The following PDE11A variants were observed in gnomAD, a reference collection of about 807,000 sequenced individuals.
PDE11A encodes the protein phosphodiesterase 11A.
In PDE11A, 100 loss-of-function variants were observed where a neutral mutation model predicts 100.5. The ratio of observed to expected loss-of-function variants is 1.00; its 90% CI spans 0.85 to 1.18. The LOEUF (loss-of-function observed/expected upper bound fraction) is 1.18, where lower values mean the gene tolerates loss of function less well. Ranked by LOEUF, PDE11A falls within the 50% of genes most tolerant of loss-of-function variation. The pLI is 0.00. For missense variants in PDE11A, 1,141 were observed against 1,152.6 expected (o/e 0.99, Z 0.15); for synonymous variants, 381 against 420.8 (o/e 0.91, Z 1.16).
intron 19 of PDE11A, among the ~76,000 whole-genome samples, chr2:177,650,002 A>G (rs2080284784): frequency 6.6e-6 from 1 of 152,234 alleles, no homozygotes; most frequent in Admixed American, 6.5e-5. Flanking sequence ...GCTTATTTCC[A>G]CAAAGATCAA....
intron 9 of PDE11A, among the ~76,000 whole-genome samples, chr2:177,775,329 C>T (rs927982724): frequency 2.6e-5 from 4 of 152,168 alleles, no homozygotes; most frequent in African/African-American, 9.7e-5. Context: ...CTGTAAGTGC[C>T]ACTCCATCCA....
chr2:177,677,744 A>T (rs2105500928), intron 16 of PDE11A: 1 of 152,328 alleles, frequency 6.6e-6, no homozygotes, highest in Middle Eastern at 3.4e-3. Flanking sequence ...GAGCAGTTCT[A>T]TGTTATTTTT....
chr2:177,695,119 T>C (rs112971823), intron 15 of PDE11A, among the ~76,000 whole-genome samples: 1 of 149,372 alleles, frequency 6.7e-6, no homozygotes, highest in African/African-American at 2.5e-5. Context: ...GAGTTGTGTG[T>C]GGGGGGGGAG....
chr2:177,842,366 A>T (rs1443543361), intron 5 of PDE11A, among the ~76,000 whole-genome samples: 1 of 152,180 alleles, frequency 6.6e-6, no homozygotes, highest in Admixed American at 6.5e-5. Flanking sequence ...CAACAAGGAG[A>T]GATTGGAGGA....
Position 177,958,180 on chromosome 2 carries a change from C to G in PDE11A, c.1072-52993G>C, listed in dbSNP as rs745332193. Among the ~76,000 whole-genome samples the G allele has an allele frequency of 1.3e-5, 2 of 152,114 alleles. 1 individual carries two copies. The highest frequency in any genetic ancestry group is 6.8e-3 in the Middle Eastern group (2 of 294). The stretch of plus-strand genomic sequence containing the variant: ...TGCTGCAATTACAGGTGTGAGCCAC[C>G]GTGCCCGGCCTCAATGCATTTTAAA... On this transcript the variant is annotated intron_variant, in intron 2 of 19. Transcript: ENST00000286063.
chr2:177,643,598 G>T (rs574108293), intron 19 of PDE11A, among the ~76,000 whole-genome samples: 39 of 152,288 alleles, frequency 2.6e-4, no homozygotes, highest in East Asian at 5.8e-4. Context: ...CAATAGAAAA[G>T]AAAATATCAT....
chr2:178,005,292 C>T (rs994549561), intron 2 of PDE11A, among the ~76,000 whole-genome samples: 1 of 151,986 alleles, frequency 6.6e-6, no homozygotes, highest in Non-Finnish European at 1.5e-5. Flanking sequence ...ATTACCTAGA[C>T]TAATTAAGCA....
Position 177,733,368 on chromosome 2 carries a change from C to G in PDE11A, c.1789-5196G>C, listed in dbSNP as rs3770032. Among the ~76,000 whole-genome samples the G allele has an allele frequency of 1.6e-3, 239 of 152,314 alleles. 4 individuals carry two copies. The East Asian group carries it at 0.043, about 27-fold the overall frequency. On this transcript the variant is annotated intron_variant, in intron 10 of 19. Transcript: ENST00000286063. ...TGAATAATGTTCAAGAAGTGAGACT[C>G]TAGCTGGCTGGAAGCACCTGATATC...
At chr2:177,664,135 T>TCTGGAGTGGCTGCAAGAGAGGCTAAAA (rs2080532600) in intron 18 of PDE11A, among the ~76,000 whole-genome samples, 186 bp from the exon 19 acceptor site, 1 of 152,186 alleles carries the variant, frequency 6.6e-6, no homozygotes, top group South Asian at 2.1e-4. Context: ...TTTTACCTCT[T>TCTGGAGTGGCTGCAAGAGAGGCTAAAA]TTTATGAGAT....
At chr2:177,951,450 G>T (rs1446592301) in intron 2 of PDE11A, among the ~76,000 whole-genome samples, 4 of 152,102 alleles carry the variant, frequency 2.6e-5, no homozygotes, top group African/African-American at 9.7e-5. Flanking sequence ...TTTTTTTCAG[G>T]TGTTGTTATT....
chr2:178,082,473 G>A (rs2087299278), intron 2 of PDE11A, among the ~76,000 whole-genome samples: 1 of 152,126 alleles, frequency 6.6e-6, no homozygotes, highest in Admixed American at 6.5e-5. Context: ...CAGCCTGCAG[G>A]GTGGCCATTC....
chr2:177,713,987 C>CATT (rs2081395467), intron 12 of PDE11A, among the ~76,000 whole-genome samples: 1 of 77,370 alleles, frequency 1.3e-5, no homozygotes, highest in Non-Finnish European at 2.2e-5. Flanking sequence ...TTTCTTTTTT[C>CATT]TTTTTTTTTT....
At chr2:178,061,053 C>T (rs958418890) in intron 1 of PDE11A, among the ~76,000 whole-genome samples, 1 of 148,690 alleles carries the variant, frequency 6.7e-6, no homozygotes, top group Non-Finnish European at 1.5e-5. Context: ...AAACAATTCT[C>T]CTGCCTCAGC....
intron 1 of PDE11A, among the ~76,000 whole-genome samples, chr2:178,051,597 A>G (rs1222049607): frequency 6.6e-6 from 1 of 152,160 alleles, no homozygotes; most frequent in South Asian, 2.1e-4. Context: ...TCAGTGTGCT[A>G]TATTCAGGAG....
intron 2 of PDE11A, among the ~76,000 whole-genome samples, chr2:177,966,786 G>A (rs2085703190): frequency 6.6e-6 from 1 of 152,184 alleles, no homozygotes; most frequent in South Asian, 2.1e-4. Flanking sequence ...TTACATTTAT[G>A]TTCATCAGGG....
At chr2:178,001,398 T>C (rs1352255474) in intron 2 of PDE11A, among the ~76,000 whole-genome samples, 1 of 151,918 alleles carries the variant, frequency 6.6e-6, no homozygotes, top group Non-Finnish European at 1.5e-5. Flanking sequence ...GCACTCAAAA[T>C]GTGGCTATTA....
intron 2 of PDE11A, among the ~76,000 whole-genome samples, chr2:177,946,186 A>G (rs1574299114): frequency 1.0e-5 from 1 of 96,718 alleles, no homozygotes. Context: ...CTGGGAAGTG[A>G]GGAGCCCCTC....
At chr2:177,859,766 A>G (rs543139196) in intron 5 of PDE11A, among the ~76,000 whole-genome samples, 1 of 152,096 alleles carries the variant, frequency 6.6e-6, no homozygotes, top group Non-Finnish European at 1.5e-5. Context: ...GATAAAAAAA[A>G]AAATTCTCCA....
chr2:177,832,554 C>CATATATCT (rs374573784), intron 6 of PDE11A, among the ~76,000 whole-genome samples: 15 of 146,402 alleles, frequency 1.0e-4, no homozygotes, highest in African/African-American at 3.3e-4. Flanking sequence ...TACTCACATC[C>CATATATCT]ATCTATCTAT....
Sources: allele counts gnomAD v4.1 joint callset (sites outside exome capture counted in the v4.1 genomes callset), GRCh38; gene constraint gnomAD v4.1.1; transcripts MANE v1.5; gene names NCBI Gene and HGNC (gene_info 2026-07-23, HGNC 2026-07-21).